SAP130: variants seen among roughly 807,000 people sequenced by gnomAD.
The protein encoded by SAP130 is histone deacetylase complex subunit SAP130.
In SAP130, 16 loss-of-function variants were observed where a neutral mutation model predicts 103.2. The observed-to-expected ratio is 0.16, with a 90% CI of 0.10 to 0.24. The LOEUF is 0.24. SAP130 is among the 10% of genes least tolerant of loss of function. SAP130 has a pLI of 1.00. For missense variants in SAP130, 990 were observed against 1,359.7 expected (o/e 0.73, Z 4.28); for synonymous variants, 477 against 497.0 (o/e 0.96, Z 0.53).
rs560550159 is a variant in SAP130, at chr2:127,962,852, C to T, written c.2064-7508G>A. On this transcript the variant is annotated intron_variant, in intron 15 of 20. Coordinates refer to ENST00000643581, the MANE Select transcript of SAP130 (RefSeq NM_001330301.2). ...ATGTAACAAACCTGCACGTTGTGCA[C>T]ATGTACCCTAAAACTTAAAGTATAA... Among the ~76,000 whole-genome samples, 295 of 150,134 alleles carry T rather than the reference C, an allele frequency of 2.0e-3. 3 individuals are homozygous for T. The highest frequency in any genetic ancestry group is 6.8e-3 in the African/African-American group (278 of 40,726).
At chr2:127,950,124 G>A (rs1559031461) in intron 17 of SAP130, 36 bp downstream of exon 17, 1 of 1,612,278 alleles carries the variant, frequency 6.2e-7, no homozygotes, top group Admixed American at 1.7e-5. Context: ...ACTTTATTGG[G>A]AAGCATCATA....
At chr2:127,983,820 G>GTTTTTTTTTTTTTTTT (rs1455013059) in intron 14 of SAP130, among the ~76,000 whole-genome samples, 1 of 112,354 alleles carries the variant, frequency 8.9e-6, no homozygotes, top group African/African-American at 3.8e-5. Context: ...CTATTACTTT[G>GTTTTTTTTTTTTTTTT]TTGTTTTTTT....
chr2:127,971,509 G>A (rs1433041403), intron 15 of SAP130, among the ~76,000 whole-genome samples: 1 of 152,052 alleles, frequency 6.6e-6, no homozygotes, highest in South Asian at 2.1e-4. Context: ...GGATGGTCTC[G>A]ATCTCCTGAC....
intron 15 of SAP130, among the ~76,000 whole-genome samples, chr2:127,958,620 TGA>T (rs1468104929): frequency 6.7e-6 from 1 of 148,708 alleles, no homozygotes; most frequent in African/African-American, 2.5e-5. Flanking sequence ...CTCATATATA[TGA>T]GAGTGAGACA....
intron 5 of SAP130, among the ~76,000 whole-genome samples, chr2:128,014,233 TC>T (rs1035384626): frequency 1.6e-3 from 134 of 86,258 alleles, no homozygotes; most frequent in African/African-American, 6.5e-3. Flanking sequence ...CGATTTTTTT[TC>T]TTTTTCTTGA....
intron 15 of SAP130, among the ~76,000 whole-genome samples, chr2:127,965,121 C>T (rs1460832628): frequency 1.3e-5 from 2 of 151,922 alleles, no homozygotes; most frequent in Non-Finnish European, 2.9e-5. Context: ...ATGGTAAAAC[C>T]CTGTCTCTAC....
chr2:128,002,718 T>C (rs564312171), intron 7 of SAP130, among the ~76,000 whole-genome samples: 81 of 152,016 alleles, frequency 5.3e-4, no homozygotes, highest in African/African-American at 1.9e-3. Flanking sequence ...ATTGGCTTAT[T>C]TGAAAACTAA....
At chr2:127,959,053 T>G (rs374567569) in intron 15 of SAP130, among the ~76,000 whole-genome samples, 1 of 152,202 alleles carries the variant, frequency 6.6e-6, no homozygotes, top group South Asian at 2.1e-4. Flanking sequence ...AGACATACTT[T>G]TTCCTATTCC....
chr2:127,970,599 C>T (rs1278931497), intron 15 of SAP130, among the ~76,000 whole-genome samples: 1 of 150,026 alleles, frequency 6.7e-6, no homozygotes, highest in African/African-American at 2.5e-5. Context: ...GCCTGGAGTC[C>T]CAGGTACTCG....
intron 2 of SAP130, among the ~76,000 whole-genome samples, chr2:128,024,221 G>C (rs1360036954): frequency 2.6e-5 from 4 of 152,082 alleles, no homozygotes; most frequent in African/African-American, 9.7e-5. Flanking sequence ...GCTCACACCT[G>C]TAATCCCAGA....
intron 2 of SAP130, 76 bp downstream of exon 2, chr2:128,026,105 C>G (rs978107668): frequency 1.3e-5 from 12 of 940,592 alleles, no homozygotes; most frequent in African/African-American, 5.0e-5. Flanking sequence ...CTAGAAGAAT[C>G]TGCTAATTTT....
chr2:127,972,466 C>T (rs1227875388), intron 15 of SAP130, among the ~76,000 whole-genome samples: 1 of 151,956 alleles, frequency 6.6e-6, no homozygotes, highest in Non-Finnish European at 1.5e-5. Flanking sequence ...ATATGAAAAT[C>T]AGCTTAGCAG....
rs111985167 is a variant in SAP130 at position 127,945,501 on chromosome 2, A to G, written c.2856T>C (p.Ala952=). The G allele has an allele frequency of 6.2e-7, 1 of 1,613,648 alleles. No homozygotes were observed. Among genetic ancestry groups the G allele is most frequent in the Non-Finnish European group, 8.5e-7 (1 of 1,179,534 alleles). ...CACAGAGGTGGACTTTCCAGCCTTG[A>G]GCACGACAGGATACTCCTTTCTGAT... is the stretch of plus-strand genomic sequence containing the variant. The part of the protein sequence containing the change: ...IANQKGVSCR[A]QGWKVHLCAA... The change falls in exon 19 of 21, where the codon GCT becomes GCC. Residue 952 remains alanine, a synonymous_variant. Transcript: ENST00000643581.
chr2:127,948,633 C>T (rs754592818), intron 18 of SAP130, among the ~76,000 whole-genome samples: 2 of 151,886 alleles, frequency 1.3e-5, no homozygotes, highest in African/African-American at 2.4e-5. Context: ...TGAATCACCG[C>T]GCCTGGCCTC....
chr2:128,020,617 G>A (rs1006139495), intron 2 of SAP130, among the ~76,000 whole-genome samples: 2 of 152,160 alleles, frequency 1.3e-5, no homozygotes, highest in Non-Finnish European at 2.9e-5. Context: ...GTTCTTGTAC[G>A]TGTCTTTTGG....
intron 19 of SAP130, among the ~76,000 whole-genome samples, chr2:127,943,576 A>G (rs1321697727): frequency 6.6e-6 from 1 of 152,270 alleles, no homozygotes; most frequent in Non-Finnish European, 1.5e-5. Flanking sequence ...TACTGCAAGG[A>G]ATAGTGCGGG....
At chr2:127,959,552 C>G (rs1242159982) in intron 15 of SAP130, among the ~76,000 whole-genome samples, 2 of 152,170 alleles carry the variant, frequency 1.3e-5, no homozygotes, top group South Asian at 2.1e-4. Flanking sequence ...CAAGGCAATG[C>G]CCCCTCTTCC....
chr2:127,969,510 G>A (rs1255312999), intron 15 of SAP130, among the ~76,000 whole-genome samples: 2 of 152,196 alleles, frequency 1.3e-5, no homozygotes. Context: ...GGAAACAGGT[G>A]AGTTAAGACC....
intron 2 of SAP130, among the ~76,000 whole-genome samples, chr2:128,020,021 T>C (rs893680386): frequency 5.3e-5 from 8 of 152,220 alleles, no homozygotes; most frequent in East Asian, 1.9e-4. Context: ...TATTTACTTA[T>C]GTAGAGAATT....
Sources: gnomAD v4.1 joint callset for allele counts (sites outside exome capture counted in the v4.1 genomes callset) on GRCh38, gnomAD v4.1.1 for gene constraint, MANE v1.5 for transcripts, NCBI Gene and HGNC (gene_info 2026-07-23, HGNC 2026-07-21) for gene names.